Variants in WWP2 observed in about 807,000 individuals in gnomAD.
WWP2 encodes the protein WW domain containing E3 ubiquitin protein ligase 2, also known as NEDD4-like E3 ubiquitin-protein ligase WWP2.
In WWP2, 57 loss-of-function variants were observed where a neutral mutation model predicts 121.0. That is an observed-to-expected ratio of 0.47 (90% CI 0.38 to 0.59). The LOEUF (loss-of-function observed/expected upper bound fraction) is 0.59. Ranked by LOEUF, WWP2 falls within the 20% of genes least tolerant of loss-of-function variation. WWP2 has a pLI of 0.00. For missense variants in WWP2, 962 were observed against 1,158.9 expected (o/e 0.83, Z 2.47); for synonymous variants, 449 against 441.3 (o/e 1.02, Z -0.22).
intron 8 of WWP2, among the ~76,000 whole-genome samples, chr16:69,889,291 C>T (rs1451317488): frequency 2.0e-5 from 3 of 152,158 alleles, no homozygotes; most frequent in African/African-American, 7.2e-5. Flanking sequence ...CACCACTGTA[C>T]CCCAGCCTGG....
At chr16:69,874,782 G>A (rs2057706080) in intron 7 of WWP2, among the ~76,000 whole-genome samples, 1 of 152,150 alleles carries the variant, frequency 6.6e-6, no homozygotes, top group African/African-American at 2.4e-5. Context: ...AGTTGCATCA[G>A]CCGTGGTCAG....
At chr16:69,816,743 A>G (rs571857380) in intron 4 of WWP2, among the ~76,000 whole-genome samples, 2 of 152,104 alleles carry the variant, frequency 1.3e-5, no homozygotes, top group Admixed American at 6.5e-5. Context: ...ACACGTATAC[A>G]TATACACACG....
At chr16:69,887,608 G>A (rs1042002659) in intron 7 of WWP2, among the ~76,000 whole-genome samples, 29 of 152,082 alleles carry the variant, frequency 1.9e-4, no homozygotes, top group Non-Finnish European at 1.8e-4. Context: ...GTTTTGCCAT[G>A]TTGGCCAGGT....
chr16:69,917,601 C>T, intron 9 of WWP2, 108 bp from the exon 10 acceptor site: 3 of 1,366,238 alleles, frequency 2.2e-6, no homozygotes, highest in South Asian at 1.4e-5. Flanking sequence ...CCCCAGCAAC[C>T]TCTGTGACAG....
chr16:69,839,213 C>T (rs942626833), intron 4 of WWP2, among the ~76,000 whole-genome samples: 5 of 152,056 alleles, frequency 3.3e-5, no homozygotes, highest in African/African-American at 1.2e-4. Context: ...GTGGAGTGGA[C>T]GGACCCCGTG....
intron 4 of WWP2, among the ~76,000 whole-genome samples, chr16:69,836,865 C>T (rs964835024): frequency 3.3e-5 from 5 of 152,112 alleles, no homozygotes; most frequent in African/African-American, 1.2e-4. Context: ...ACCCACCCAT[C>T]GCAGCCCATC....
chr16:69,862,926 C>T (rs2057451934), intron 6 of WWP2, among the ~76,000 whole-genome samples: 1 of 151,930 alleles, frequency 6.6e-6, no homozygotes, highest in South Asian at 2.1e-4. Context: ...CGAGGTCTCC[C>T]TGTGCTGCCA....
chr16:69,901,305 G>C (rs1475826739), intron 8 of WWP2, among the ~76,000 whole-genome samples: 1 of 152,188 alleles, frequency 6.6e-6, no homozygotes, highest in Non-Finnish European at 1.5e-5. Context: ...TGAAGAGGCA[G>C]CTTTAAGAAT....
intron 6 of WWP2, among the ~76,000 whole-genome samples, chr16:69,845,644 G>A (rs1010943359): frequency 4.6e-5 from 7 of 152,076 alleles, no homozygotes; most frequent in Admixed American, 2.6e-4. Context: ...CTGTGAAAGG[G>A]TTTTATCTGA....
At chr16:69,869,950 T>A (rs1311990098) in intron 6 of WWP2, among the ~76,000 whole-genome samples, 3 of 152,186 alleles carry the variant, frequency 2.0e-5, no homozygotes, top group Non-Finnish European at 2.9e-5. Flanking sequence ...ATTATAGCTC[T>A]TAATTTCACC....
At chr16:69,871,376 C>T (rs902060059) in intron 6 of WWP2, among the ~76,000 whole-genome samples, 1 of 152,204 alleles carries the variant, frequency 6.6e-6, no homozygotes, top group African/African-American at 2.4e-5. Flanking sequence ...AGGGAATCAT[C>T]TTTCTAGCTA....
chr16:69,931,742 C>T, intron 15 of WWP2, 60 bp from the exon 16 acceptor site: 1 of 1,594,046 alleles, frequency 6.3e-7, no homozygotes. Context: ...CCTGTCCCTC[C>T]CGCCCCTGCC....
rs895539614 is a variant in WWP2 at position 69,762,727 on chromosome 16, G to A, written c.-16+336G>A. Among the ~76,000 whole-genome samples the A allele has an allele frequency of 3.3e-5, 5 of 152,194 alleles. No homozygotes were observed. The East Asian group carries it at 9.6e-4, about 29-fold the overall frequency. ...AGGAGCGATCTTTGTGGAGGGATCG[G>A]GACCAGGGGAAGGGGCGACTTGGAA... On this transcript the variant is annotated intron_variant, in intron 1 of 23. Transcript: ENST00000359154.
chr16:69,785,941 A>C (rs1359596427), intron 1 of WWP2: 1 of 150,362 alleles, frequency 6.7e-6, no homozygotes, highest in African/African-American at 2.4e-5. Context: ...CCATTTAAAT[A>C]ATTGTATTAG....
intron 21 of WWP2, among the ~76,000 whole-genome samples, chr16:69,938,236 A>G (rs1376982120): frequency 6.6e-6 from 1 of 151,862 alleles, no homozygotes; most frequent in East Asian, 1.9e-4. Context: ...CTGGTCCTGA[A>G]CTCCTGGGCT....
intron 6 of WWP2, among the ~76,000 whole-genome samples, chr16:69,861,990 T>G (rs143284077): frequency 3.2e-4 from 49 of 152,276 alleles, no homozygotes; most frequent in African/African-American, 1.2e-3. Flanking sequence ...GATTGGAATG[T>G]GAGAGGAGTT....
chr16:69,779,402 GTGGAC>G lies in WWP2; in HGVS notation c.-15-7591_-15-7587del, dbSNP rs1394533333. ...AACATGGATTACTGTTATATAAGCA[GTGGAC>G]TGCAATTTTAAAAGACACTGGAGAA... On this transcript the variant is annotated intron_variant, in intron 1 of 23. Coordinates refer to ENST00000359154, the MANE Select transcript of WWP2 (RefSeq NM_001270454.2). Among the ~76,000 whole-genome samples the G allele has an allele frequency of 4.1e-4, 62 of 152,372 alleles. 1 individual carries two copies. The highest frequency in any genetic ancestry group is 1.5e-3 in the African/African-American group (62 of 41,594).
At chr16:69,820,291 G>A (rs2056569098) in intron 4 of WWP2, among the ~76,000 whole-genome samples, 1 of 152,138 alleles carries the variant, frequency 6.6e-6, no homozygotes, top group East Asian at 1.9e-4. Context: ...TGCCCAGGCT[G>A]GAGTGCAGTG....
chr16:69,876,188 C>T (rs1183369451), intron 7 of WWP2, among the ~76,000 whole-genome samples: 1 of 152,128 alleles, frequency 6.6e-6, no homozygotes, highest in African/African-American at 2.4e-5. Context: ...GAACTCCTGA[C>T]CTCAGGTGAT....
Sources: allele counts gnomAD v4.1 joint callset (sites outside exome capture counted in the v4.1 genomes callset), GRCh38; gene constraint gnomAD v4.1.1; transcripts MANE v1.5; gene names NCBI Gene and HGNC (gene_info 2026-07-23, HGNC 2026-07-21).